Variants in NTM observed in about 807,000 individuals in gnomAD.
The protein encoded by NTM is IgLON family member 2.
In NTM, 13 loss-of-function variants were observed where a neutral mutation model predicts 42.1. The ratio of observed to expected loss-of-function variants is 0.31; its 90% CI spans 0.20 to 0.49. The LOEUF is 0.49. Among genes scored for constraint, NTM ranks in the 20% least tolerant of loss-of-function variants. The pLI is 0.99. For missense variants in NTM, 373 were observed against 452.8 expected (o/e 0.82, Z 1.60); for synonymous variants, 187 against 179.2 (o/e 1.04, Z -0.35).
intron 1 of NTM, among the ~76,000 whole-genome samples, chr11:131,525,864 T>A (rs1055967085): frequency 1.3e-5 from 2 of 152,196 alleles, no homozygotes; most frequent in African/African-American, 4.8e-5. Context: ...TGTGTGTGCA[T>A]GTATATATAC....
At chr11:132,327,495 A>G (rs2095708515) in intron 7 of NTM, among the ~76,000 whole-genome samples, 1 of 152,198 alleles carries the variant, frequency 6.6e-6, no homozygotes, top group African/African-American at 2.4e-5. Flanking sequence ...AAGCATTTCT[A>G]TGGTATATGT....
intron 1 of NTM, among the ~76,000 whole-genome samples, chr11:131,639,197 A>T (rs1366590638): frequency 6.6e-6 from 1 of 152,214 alleles, no homozygotes; most frequent in African/African-American, 2.4e-5. Context: ...TGTATTCTAG[A>T]ATGTTAAGAC....
chr11:131,989,708 T>G lies in NTM; in HGVS notation c.167+78060T>G, dbSNP rs896977236. 3.1e-5 allele frequency among the ~76,000 whole-genome samples: 4 copies of G among 128,228 alleles called. No individual in the cohort carries two copies. The East Asian group carries it at 6.5e-4, about 21-fold the overall frequency. 84.1% of individuals were successfully genotyped at this position (128,228 alleles called of 152,430 possible). On this transcript the variant is annotated intron_variant, in intron 2 of 8. Transcript: ENST00000683400. ...GGTGAGTTATATACACATGCATATT[T>G]AGATACATGCACACACACACACACA...
At chr11:131,650,386 G>T (rs930397474) in intron 1 of NTM, among the ~76,000 whole-genome samples, 1 of 152,162 alleles carries the variant, frequency 6.6e-6, no homozygotes, top group Admixed American at 6.5e-5. Flanking sequence ...GACCTCATTG[G>T]ATGATGTTGG....
intron 1 of NTM, among the ~76,000 whole-genome samples, chr11:131,401,293 G>T (rs1416206936): frequency 6.6e-6 from 1 of 152,066 alleles, no homozygotes; most frequent in Non-Finnish European, 1.5e-5. Context: ...CATTTGAGAA[G>T]GTGTCTTTTT....
At chr11:132,199,670 G>A (rs1245642823) in intron 3 of NTM, among the ~76,000 whole-genome samples, 1 of 151,070 alleles carries the variant, frequency 6.6e-6, no homozygotes, top group Non-Finnish European at 1.5e-5. Flanking sequence ...CTGGGAACTG[G>A]TGAGCGAGAA....
intron 1 of NTM, among the ~76,000 whole-genome samples, chr11:131,514,741 A>G (rs142598167): frequency 3.6e-4 from 54 of 151,878 alleles, no homozygotes; most frequent in Middle Eastern, 6.8e-3. Context: ...GGTCCATGCT[A>G]CCACGCCTGA....
chr11:131,371,162 GCTT>G, intron 1 of NTM: 1 of 917,458 alleles, frequency 1.1e-6, no homozygotes, highest in Non-Finnish European at 1.3e-6. Context: ...AGGCTCCCTG[GCTT>G]CATGCACATT....
Position 131,836,601 on chromosome 11 carries a change from T to C in NTM, c.83-74963T>C, listed in dbSNP as rs754527538. On this transcript the variant is annotated intron_variant, in intron 1 of 8. Transcript: ENST00000683400. ...AAACTCTACTTTTCCAATGAGCACA[T>C]TCCCCTCTGTATGCTTCTCTCCATG... Among the ~76,000 whole-genome samples, 44 of 152,238 alleles carry C rather than the reference T, an allele frequency of 2.9e-4. 1 individual carries two copies. The highest frequency in any genetic ancestry group is 5.6e-4 in the Non-Finnish European group (38 of 68,032).
At chr11:132,025,484 GCA>G (rs1565973817) in intron 2 of NTM, among the ~76,000 whole-genome samples, 1 of 152,132 alleles carries the variant, frequency 6.6e-6, no homozygotes, top group African/African-American at 2.4e-5. Context: ...AGTTAGAAAT[GCA>G]CATACTCGGG....
At chr11:131,528,037 C>T (rs115440975) in intron 1 of NTM, among the ~76,000 whole-genome samples, 2,115 of 152,274 alleles carry the variant, frequency 0.014, 48 homozygotes, top group African/African-American at 0.048. Flanking sequence ...GAGAAATGCT[C>T]AACTGGTATA....
At chr11:132,171,833 G>T (rs931805639) in intron 3 of NTM, among the ~76,000 whole-genome samples, 1 of 152,224 alleles carries the variant, frequency 6.6e-6, no homozygotes, top group Non-Finnish European at 1.5e-5. Context: ...AGCCCTGTCT[G>T]CAGGGGATAC....
At chr11:132,089,929 A>C (rs1358723808) in intron 2 of NTM, among the ~76,000 whole-genome samples, 2 of 152,168 alleles carry the variant, frequency 1.3e-5, no homozygotes, top group Non-Finnish European at 2.9e-5. Context: ...GGTTTTTTTT[A>C]TAATAAGTAT....
intron 1 of NTM, among the ~76,000 whole-genome samples, chr11:131,503,527 A>ATTTT (rs34452341): frequency 0.27 from 40,022 of 145,788 alleles, 5,466 homozygotes; most frequent in South Asian, 0.33. Context: ...TGAGGTTACA[A>ATTTT]TTTTTTTTTT....
At chr11:131,671,743 A>G (rs1025573942) in intron 1 of NTM, among the ~76,000 whole-genome samples, 11 of 152,202 alleles carry the variant, frequency 7.2e-5, no homozygotes, top group African/African-American at 2.4e-4. Flanking sequence ...CGATCAAAGA[A>G]GTGGCATCGA....
At chr11:131,475,173 GA>G (rs1952800165) in intron 1 of NTM, among the ~76,000 whole-genome samples, 1 of 152,196 alleles carries the variant, frequency 6.6e-6, no homozygotes, top group Non-Finnish European at 1.5e-5. Context: ...TTATAGATAT[GA>G]GGAAGTAACT....
intron 2 of NTM, among the ~76,000 whole-genome samples, chr11:132,116,979 T>G (rs927705574): frequency 6.6e-6 from 1 of 152,198 alleles, no homozygotes; most frequent in African/African-American, 2.4e-5. Context: ...GAGCTTCTTA[T>G]GCTAATATTT....
intron 3 of NTM, among the ~76,000 whole-genome samples, chr11:132,188,007 G>A (rs1050246193): frequency 1.3e-5 from 2 of 152,160 alleles, no homozygotes; most frequent in Non-Finnish European, 2.9e-5. Context: ...CTAAAGATAA[G>A]CTAGCCCAGC....
chr11:132,245,615 C>T (rs527377534), intron 4 of NTM, among the ~76,000 whole-genome samples: 12 of 152,082 alleles, frequency 7.9e-5, no homozygotes, highest in Non-Finnish European at 1.2e-4. Flanking sequence ...CCTTTCTGTA[C>T]GACGGCCTGC....
Sources: gnomAD v4.1 joint callset for allele counts (sites outside exome capture counted in the v4.1 genomes callset) on GRCh38, gnomAD v4.1.1 for gene constraint, MANE v1.5 for transcripts, NCBI Gene and HGNC (gene_info 2026-07-23, HGNC 2026-07-21) for gene names.